The following SSBP2 variants were observed in gnomAD, a reference collection of about 807,000 sequenced individuals.
SSBP2 encodes single-stranded DNA-binding protein 2.
In SSBP2, 17 loss-of-function variants were observed where a neutral mutation model predicts 61.8. The ratio of observed to expected loss-of-function variants is 0.28; its 90% CI spans 0.19 to 0.41. The LOEUF is 0.41. Among genes scored for constraint, SSBP2 ranks in the 10% least tolerant of loss-of-function variants. The probability of loss-of-function intolerance (pLI) is 1.00; values close to 1 mark genes in which losing one functional copy is unlikely to be tolerated. For synonymous variants in SSBP2, 139 were observed against 141.3 expected, an observed-to-expected ratio of 0.98 and a Z score of 0.12; for missense variants, 310 against 458.7, an observed-to-expected ratio of 0.68 and a Z score of 2.96.
intron 4 of SSBP2, among the ~76,000 whole-genome samples, chr5:81,544,292 C>T (rs952275343): frequency 1.3e-5 from 2 of 152,122 alleles, no homozygotes; most frequent in African/African-American, 4.8e-5. Context: ...CGTGATCCGC[C>T]CCCCTCAGCC....
At chr5:81,495,034 T>G (rs1200514752) in intron 5 of SSBP2, among the ~76,000 whole-genome samples, 1 of 152,196 alleles carries the variant, frequency 6.6e-6, no homozygotes, top group East Asian at 1.9e-4. Context: ...CTTTATTTCT[T>G]GTCCTTTCTG....
intron 1 of SSBP2, among the ~76,000 whole-genome samples, chr5:81,697,636 C>G (rs1308609314): frequency 1.3e-5 from 2 of 152,148 alleles, no homozygotes; most frequent in East Asian, 1.9e-4. Context: ...TTAATCTTAT[C>G]TTTTCTAGAA....
chr5:81,513,763 G>T (rs769244287), intron 4 of SSBP2, 46 bp from the exon 5 acceptor site: 2 of 1,287,816 alleles, frequency 1.6e-6, no homozygotes, highest in South Asian at 1.2e-5. Context: ...TACAGAGAAG[G>T]CACAAAACCA....
intron 2 of SSBP2, among the ~76,000 whole-genome samples, chr5:81,638,477 C>G (rs1414869334): frequency 6.6e-6 from 1 of 151,534 alleles, no homozygotes; most frequent in East Asian, 1.9e-4. Flanking sequence ...GAGCTAAGAT[C>G]CCACCACTGC....
chr5:81,674,642 A>C (rs758005219), intron 1 of SSBP2, among the ~76,000 whole-genome samples: 1 of 152,220 alleles, frequency 6.6e-6, no homozygotes, highest in African/African-American at 2.4e-5. Context: ...TTCAAAGAGC[A>C]GATAATTTCT....
chr5:81,744,037 G>A (rs1214652107), intron 1 of SSBP2, among the ~76,000 whole-genome samples: 2 of 152,140 alleles, frequency 1.3e-5, no homozygotes, highest in Non-Finnish European at 2.9e-5. Flanking sequence ...ATAAACTCAA[G>A]CCTGTTTCTT....
intron 1 of SSBP2, among the ~76,000 whole-genome samples, chr5:81,692,751 C>T (rs935994651): frequency 4.6e-5 from 7 of 151,948 alleles, no homozygotes; most frequent in Non-Finnish European, 1.0e-4. Flanking sequence ...GGATATACAC[C>T]GGAGAAAGGA....
chr5:81,663,546 T>C (rs903986522), intron 1 of SSBP2, among the ~76,000 whole-genome samples: 3 of 152,220 alleles, frequency 2.0e-5, no homozygotes, highest in African/African-American at 4.8e-5. Context: ...CTATATATAA[T>C]GTGTGCCAGT....
intron 1 of SSBP2, among the ~76,000 whole-genome samples, chr5:81,746,508 G>A (rs1392439016): frequency 1.3e-5 from 2 of 151,994 alleles, no homozygotes; most frequent in Non-Finnish European, 2.9e-5. Flanking sequence ...TTCTTTGCAG[G>A]GGGTACCTTA....
intron 16 of SSBP2, among the ~76,000 whole-genome samples, chr5:81,426,588 A>G (rs1413043691): frequency 6.6e-6 from 1 of 152,214 alleles, no homozygotes; most frequent in Non-Finnish European, 1.5e-5. Flanking sequence ...TTCTAAATGC[A>G]CATATTCACA....
intron 1 of SSBP2, among the ~76,000 whole-genome samples, chr5:81,746,893 T>G (rs560721111): frequency 2.2e-4 from 34 of 152,116 alleles, no homozygotes; most frequent in Non-Finnish European, 4.6e-4. Context: ...CTCATCTATT[T>G]GCAGGTGCCA....
At position 81,437,115 on chromosome 5, in the gene SSBP2, TCTGTA is replaced by T. The variant is rs529716808; in HGVS notation, c.957+310_957+314del. 2.9e-3 allele frequency among the ~76,000 whole-genome samples: 448 copies of T among 152,270 alleles called. 10 individuals are homozygous for T. The South Asian group carries it at 0.056, about 19-fold the overall frequency. On this transcript the variant is annotated intron_variant, in intron 15 of 16. Transcript: ENST00000320672. ...TACATTTTCAAAAGATTATCTAAATTCTGTAAGTTTGCTTTACAAATAAGTAACAT... is the reference window on the plus strand; with the variant it reads ...TACATTTTCAAAAGATTATCTAAATTAGTTTGCTTTACAAATAAGTAACAT...
intron 1 of SSBP2, among the ~76,000 whole-genome samples, chr5:81,693,881 A>G (rs1477044005): frequency 6.6e-6 from 1 of 152,200 alleles, no homozygotes; most frequent in East Asian, 1.9e-4. Context: ...CTGCACTCCC[A>G]TATTTATTGC....
At chr5:81,498,529 ATTAT>A (rs969141830) in intron 5 of SSBP2, among the ~76,000 whole-genome samples, 5 of 152,096 alleles carry the variant, frequency 3.3e-5, no homozygotes, top group African/African-American at 1.2e-4. Flanking sequence ...TGACTGTAAA[ATTAT>A]TTATTCATAG....
chr5:81,677,444 G>GA (rs1561682081), intron 1 of SSBP2, among the ~76,000 whole-genome samples: 1 of 152,086 alleles, frequency 6.6e-6, no homozygotes, highest in Non-Finnish European at 1.5e-5. Flanking sequence ...ATCTCTGCAG[G>GA]AATCAGCGCC....
At chr5:81,575,899 T>C (rs1226072870) in intron 4 of SSBP2, among the ~76,000 whole-genome samples, 1 of 152,162 alleles carries the variant, frequency 6.6e-6, no homozygotes, top group African/African-American at 2.4e-5. Flanking sequence ...ACAGATGTGA[T>C]GGGAGAGAAA....
intron 6 of SSBP2, 36 bp downstream of exon 6, chr5:81,489,214 T>A: frequency 6.5e-7 from 1 of 1,534,518 alleles, no homozygotes; most frequent in Non-Finnish European, 9.0e-7. Context: ...AGATCTTTGA[T>A]TCTTACAAAA....
rs1460880893 is a variant in SSBP2, at chr5:81,473,725, C to T, written c.545G>A (p.Arg182Lys). The T allele has an allele frequency of 6.2e-7, 1 of 1,613,970 alleles. No homozygotes were observed. ...CTGTGGTCCTAAGGGCACCATTCCT[C>T]TTGGAGGAGTCATTCTCTGCATTGG... The change falls in exon 8 of 17, where the codon AGA becomes AAA. Residue 182 changes from arginine to lysine, a missense_variant. Arg to Lys is a conservative substitution (Grantham distance 26). Around this residue, in one of 4 missense-constraint regions of SSBP2, gnomAD observed 209 missense variants for 286.4 expected, o/e 0.73. Transcript: ENST00000320672.
intron 6 of SSBP2, among the ~76,000 whole-genome samples, chr5:81,480,749 C>T (rs1010420222): frequency 3.9e-5 from 6 of 152,298 alleles, no homozygotes; most frequent in South Asian, 2.1e-4. Flanking sequence ...TTTATTGCAT[C>T]GATGGACTCT....
Sources: gnomAD v4.1 joint callset for allele counts (sites outside exome capture counted in the v4.1 genomes callset) on GRCh38, gnomAD v4.1.1 for gene constraint, gnomAD v4.1.1 regional missense constraint, MANE v1.5 for transcripts, NCBI Gene and HGNC (gene_info 2026-07-23, HGNC 2026-07-21) for gene names.